SYT6: variants seen among roughly 807,000 people sequenced by gnomAD.
SYT6 encodes synaptotagmin 6, also known as synaptotagmin-6.
SYT6 carries 24 observed loss-of-function variants against 38.4 expected under a neutral mutation model. The observed-to-expected ratio is 0.62, with a 90% CI of 0.45 to 0.88. The LOEUF (loss-of-function observed/expected upper bound fraction) is 0.88. Ranked by LOEUF, SYT6 falls within the 40% of genes least tolerant of loss-of-function variation. The pLI is 0.00. For missense variants in SYT6, 611 were observed against 621.0 expected (o/e 0.98, Z 0.17); for synonymous variants, 265 against 241.9 (o/e 1.10, Z -0.89).
chr1:114,100,687 T>A (rs1571821931), intron 4 of SYT6, among the ~76,000 whole-genome samples: 1 of 152,216 alleles, frequency 6.6e-6, no homozygotes. Flanking sequence ...TTCAGTAAAA[T>A]GGAAGTAAGA....
In SYT6 at chr1:114,129,564, T is replaced by C. The variant is rs568731037; in HGVS notation, c.1071+7931A>G. 2.5e-3 allele frequency among the ~76,000 whole-genome samples: 282 copies of C among 113,034 alleles called. 1 individual carries two copies. The highest frequency in any genetic ancestry group is 8.7e-3 in the African/African-American group (251 of 28,978). 74.2% of individuals were successfully genotyped at this position (113,034 alleles called of 152,430 possible). ...TTTTTTTTCTGTCTTTTTTTCTTTC[T>C]TTTCTTTCTTTCTTTCTTTCTTTCT... On this transcript the variant is annotated intron_variant, in intron 3 of 7. Transcript: ENST00000610222.
At position 114,137,842 on chromosome 1, in the gene SYT6, C is replaced by G. The variant is rs564717037; in HGVS notation, c.724G>C (p.Glu242Gln). ...KINFSLRYDY[E>Q]TETLIVRILK... is the part of the protein sequence containing the mutation. The stretch of plus-strand genomic sequence containing the variant: ...ATACGCACAATCAGGGTCTCGGTCT[C>G]GTAATCGTAGCGTAGGCTGAAGTTG... The change falls in exon 3 of 8, where the codon GAG becomes CAG. Residue 242 changes from glutamate to glutamine, a missense_variant. Transcript: ENST00000610222. The G allele has an allele frequency of 6.2e-7, 1 of 1,613,984 alleles. No individual in the cohort carries two copies. Among genetic ancestry groups the G allele is most frequent in the Non-Finnish European group, 8.5e-7 (1 of 1,180,016 alleles).
intron 1 of SYT6, among the ~76,000 whole-genome samples, chr1:114,146,553 C>T (rs1182201552): frequency 1.3e-5 from 2 of 152,194 alleles, no homozygotes; most frequent in East Asian, 3.9e-4. Flanking sequence ...GGCAACTCTG[C>T]CAGTTTCTGA....
intron 1 of SYT6, among the ~76,000 whole-genome samples, chr1:114,144,824 A>G (rs149246430): frequency 9.8e-4 from 149 of 152,282 alleles, no homozygotes; most frequent in Middle Eastern, 3.4e-3. Flanking sequence ...CTGGGAAGCC[A>G]GCACTGCCTT....
Position 114,140,743 on chromosome 1 carries a change from C to T in SYT6, c.164-780G>A, listed in dbSNP as rs138207781. On this transcript the variant is annotated intron_variant, in intron 1 of 7. Transcript: ENST00000610222. ...TGCTTCACAGATCCTGTATTTTTTACAAATTGAAGATTTGTGGCCACCCTG... is the reference window on the plus strand; with the variant it reads ...TGCTTCACAGATCCTGTATTTTTTATAAATTGAAGATTTGTGGCCACCCTG... Among the ~76,000 whole-genome samples the T allele has an allele frequency of 7.7e-3, 1,178 of 152,296 alleles. 10 individuals carry two copies. Among genetic ancestry groups the T allele is most frequent in the Non-Finnish European group, 0.011 (754 of 68,020 alleles).
intron 1 of SYT6, among the ~76,000 whole-genome samples, chr1:114,146,391 A>G (rs145169373): frequency 3.2e-4 from 48 of 152,328 alleles, no homozygotes; most frequent in Non-Finnish European, 6.3e-4. Flanking sequence ...AGATAACCTA[A>G]GCTGTATGCC....
chr1:114,138,181 C>T (rs926774612), intron 2 of SYT6, 128 bp from the exon 3 acceptor site: 1 of 873,928 alleles, frequency 1.1e-6, no homozygotes, highest in East Asian at 2.7e-5. Flanking sequence ...CCTTCCTCTT[C>T]TTGACCCCAC....
At chr1:114,104,593 T>C (rs12566530) in intron 3 of SYT6, among the ~76,000 whole-genome samples, 48,014 of 152,004 alleles carry the variant, frequency 0.32, 7,778 homozygotes, top group East Asian at 0.39. Context: ...TGGAGACATT[T>C]CCTCCCATAG....
At chr1:114,122,696 C>T (rs1414515049) in intron 3 of SYT6, among the ~76,000 whole-genome samples, 4 of 152,184 alleles carry the variant, frequency 2.6e-5, no homozygotes, top group African/African-American at 9.7e-5. Context: ...TCCTAGGGAA[C>T]ACCCACTCCC....
chr1:114,111,238 T>C (rs1676656218), intron 3 of SYT6, among the ~76,000 whole-genome samples: 1 of 152,238 alleles, frequency 6.6e-6, no homozygotes, highest in Non-Finnish European at 1.5e-5. Context: ...GTGTTTACTA[T>C]GTGCTGTCCT....
intron 3 of SYT6, among the ~76,000 whole-genome samples, chr1:114,126,847 G>C (rs1262514535): frequency 3.3e-5 from 5 of 152,212 alleles, no homozygotes. Flanking sequence ...CTGCGGTCTG[G>C]TTGCCAGTGA....
At chr1:114,099,936 C>G (rs1675861875) in intron 4 of SYT6, among the ~76,000 whole-genome samples, 1 of 152,158 alleles carries the variant, frequency 6.6e-6, no homozygotes, top group South Asian at 2.1e-4. Flanking sequence ...CTGCCCACTT[C>G]TGGACAGTGG....
Position 114,093,749 on chromosome 1 carries a change from G to T in SYT6, c.*37C>A. 1.2e-6 allele frequency: 2 copies of T among 1,613,938 alleles called. No individual in the cohort carries two copies. Among genetic ancestry groups the T allele is most frequent in the Non-Finnish European group, 8.5e-7 (1 of 1,179,972 alleles). On this transcript the variant is annotated 3_prime_UTR_variant, in exon 7 of 8. Transcript: ENST00000610222. ...CAGGTACTTACTCCTAACTCCAGGT[G>T]GCAGTCTCTCTGCTTGCAGCATCCA...
intron 3 of SYT6, among the ~76,000 whole-genome samples, chr1:114,122,506 T>TGTGTGTGTGCACGC (rs60780339): frequency 6.8e-6 from 1 of 147,288 alleles, no homozygotes; most frequent in Admixed American, 6.7e-5. Flanking sequence ...TGTGTGTGTG[T>TGTGTGTGTGCACGC]GCGCGCACAT....
chr1:114,106,866 C>T (rs1008812425), intron 3 of SYT6, among the ~76,000 whole-genome samples: 2 of 152,176 alleles, frequency 1.3e-5, no homozygotes, highest in African/African-American at 4.8e-5. Context: ...GTGACGAGAG[C>T]CCCTTTTGGG....
chr1:114,151,142 G>T (rs1679419796), intron 1 of SYT6, among the ~76,000 whole-genome samples: 2 of 152,126 alleles, frequency 1.3e-5, no homozygotes, highest in African/African-American at 4.8e-5. Flanking sequence ...CTGGGGCCTG[G>T]TCCTGAACTC....
intron 2 of SYT6, among the ~76,000 whole-genome samples, chr1:114,138,538 C>A (rs1034648988): frequency 6.6e-5 from 10 of 152,122 alleles, no homozygotes; most frequent in African/African-American, 2.2e-4. Context: ...TTGGAGTTAG[C>A]CTGCATAGGT....
At chr1:114,122,517 G>A (rs1056072841) in intron 3 of SYT6, among the ~76,000 whole-genome samples, 2 of 151,678 alleles carry the variant, frequency 1.3e-5, no homozygotes, top group African/African-American at 2.4e-5. Context: ...GCGCGCACAT[G>A]AGCATATGCA....
intron 3 of SYT6, among the ~76,000 whole-genome samples, chr1:114,106,822 C>A (rs1265510047): frequency 6.6e-6 from 1 of 152,110 alleles, no homozygotes; most frequent in East Asian, 1.9e-4. Flanking sequence ...TCACCAAGTC[C>A]CCTTTGCCCT....
Sources: gnomAD v4.1 joint callset for allele counts (sites outside exome capture counted in the v4.1 genomes callset) on GRCh38, gnomAD v4.1.1 for gene constraint, MANE v1.5 for transcripts, NCBI Gene and HGNC (gene_info 2026-07-23, HGNC 2026-07-21) for gene names.